Variants in SAFB observed in about 807,000 individuals in gnomAD.
SAFB encodes the protein scaffold attachment factor B1.
SAFB carries 15 observed loss-of-function variants against 101.6 expected under a neutral mutation model. The observed-to-expected ratio is 0.15, with a 90% CI of 0.10 to 0.23. The LOEUF (loss-of-function observed/expected upper bound fraction) is 0.23. Among genes scored for constraint, SAFB ranks in the 10% least tolerant of loss-of-function variants. The pLI is 1.00. For missense variants in SAFB, 930 were observed against 1,104.1 expected (o/e 0.84, Z 2.23); for synonymous variants, 449 against 407.5 (o/e 1.10, Z -1.23).
intron 7 of SAFB, 95 bp from the exon 8 acceptor site, chr19:5,649,831 C>A: frequency 9.2e-7 from 1 of 1,092,698 alleles, no homozygotes; most frequent in Non-Finnish European, 1.4e-6. Context: ...AACTAAATTT[C>A]GGGTAGGTAT....
intron 13 of SAFB, among the ~76,000 whole-genome samples, 179 bp from the exon 14 acceptor site, chr19:5,657,062 C>T (rs1039406250): frequency 2.0e-5 from 3 of 152,056 alleles, no homozygotes; most frequent in African/African-American, 4.8e-5. Flanking sequence ...TGAGCCACTG[C>T]GCCCGGCAAT....
At chr19:5,665,425 C>G (rs1293704207) in intron 17 of SAFB, 1 of 152,110 alleles carries the variant, frequency 6.6e-6, no homozygotes, top group East Asian at 1.9e-4. Context: ...TAATATTCCT[C>G]CTACAAAGGG....
intron 2 of SAFB, among the ~76,000 whole-genome samples, chr19:5,639,927 C>T (rs1247413948): frequency 1.3e-5 from 2 of 151,650 alleles, no homozygotes. Flanking sequence ...AACCTCCACC[C>T]CCTGGGTTCA....
At chr19:5,655,785 AAAAGG>A (rs1484681638) in intron 13 of SAFB, among the ~76,000 whole-genome samples, 2 of 152,220 alleles carry the variant, frequency 1.3e-5, no homozygotes, top group Admixed American at 1.3e-4. Flanking sequence ...GGAAAACGGA[AAAAGG>A]AAAGTGTGGG....
chr19:5,642,379 A>G (rs1040878884), intron 4 of SAFB, among the ~76,000 whole-genome samples: 1 of 152,156 alleles, frequency 6.6e-6, no homozygotes, highest in Non-Finnish European at 1.5e-5. Context: ...CCAGGAGTTC[A>G]AGGCTGTACT....
chr19:5,653,980 A>G lies in SAFB; in HGVS notation c.1527-81A>G, dbSNP rs2053997728. ...GGTCTCGAACTCCCGGTCTCATGTG[A>G]TCCGCCCGCCTCATCCCCCCAAAGT... On this transcript the variant is annotated intron_variant, in intron 11 of 20. Coordinates refer to ENST00000588852, the MANE Select transcript of SAFB (RefSeq NM_001201338.2). The G allele has an allele frequency of 4.4e-6, 6 of 1,375,742 alleles. No individual in the cohort carries two copies. The African/African-American group carries it at 7.2e-5, about 16-fold the overall frequency. The allele number at this position is 1,375,742 out of a possible 1,614,324, so 85.2% of individuals were successfully genotyped here.
In SAFB at chr19:5,653,030, C is replaced by T. The variant is rs75617053; in HGVS notation, c.1294-85C>T. ...TAACACTTGTCGGACCCCTGATGAG[C>T]AGACTTCCCTGTGGGGTGTTCATAT... On this transcript the variant is annotated intron_variant, in intron 9 of 20. Transcript: ENST00000588852. The T allele has an allele frequency of 3.4e-3, 4,681 of 1,396,274 alleles. 120 individuals are homozygous for T. In the African/African-American group the frequency reaches 0.055, roughly 16 times the overall value. The allele number at this position is 1,396,274 out of a possible 1,614,324, so 86.5% of individuals were successfully genotyped here.
rs1353075810 is a variant in SAFB at position 5,661,828 on chromosome 19, C to T, written c.2153+20C>T. 2 of 1,496,126 alleles carry T rather than the reference C, an allele frequency of 1.3e-6. No individual in the cohort carries two copies. Among genetic ancestry groups the T allele is most frequent in the African/African-American group, 1.4e-5 (1 of 72,110 alleles). 92.7% of individuals were successfully genotyped at this position (1,496,126 alleles called of 1,614,324 possible). A position where few individuals can be genotyped will look rare whatever the true frequency, so the allele number is the denominator to read the frequency against. ...GGACCGGTAAGCAGATCCATGCTGC[C>T]CTTAGCACGTGGCGTTCAGAATCGT... is the stretch of plus-strand genomic sequence containing the variant. On this transcript the variant is annotated intron_variant, in intron 15 of 20. Transcript: ENST00000588852.
At chr19:5,628,174 C>G (rs1036195652) in intron 2 of SAFB, among the ~76,000 whole-genome samples, 2 of 152,066 alleles carry the variant, frequency 1.3e-5, no homozygotes, top group African/African-American at 4.8e-5. Context: ...TTGCCTGAAC[C>G]CAGGAGGTGG....
chr19:5,635,807 A>C (rs936730037), intron 2 of SAFB, among the ~76,000 whole-genome samples: 5 of 152,128 alleles, frequency 3.3e-5, no homozygotes, highest in African/African-American at 1.2e-4. Context: ...AGCTGAGACC[A>C]CAAACTAGGG....
rs762779310 is a variant in SAFB, at chr19:5,641,901, C to T, written c.501C>T (p.Val167=). 11 of 1,613,912 alleles carry T rather than the reference C, an allele frequency of 6.8e-6. No individual in the cohort carries two copies. The highest frequency in any genetic ancestry group is 4.4e-5 in the South Asian group (4 of 91,040). ...CCCTGTCGGATAGTAGAGAGCTAGT[C>T]GAGGGGGAAATGAAAGAGCTTCCGG... The part of the protein sequence containing the change: ...QESLSDSREL[V]EGEMKELPEQ... The change falls in exon 4 of 21, where the codon GTC becomes GTT. Residue 167 remains valine, a synonymous_variant. Coordinates refer to ENST00000588852, the MANE Select transcript of SAFB (RefSeq NM_001201338.2).
chr19:5,664,184 G>A, intron 16 of SAFB, 25 bp downstream of exon 16: 5 of 1,609,506 alleles, frequency 3.1e-6, no homozygotes, highest in South Asian at 1.1e-5. Context: ...TGCTGGGCGT[G>A]CGGGTTTTCT....
At position 5,661,795 on chromosome 19, in the gene SAFB, T is replaced by G; in HGVS notation, c.2140T>G (p.Tyr714Asp). 3 of 1,549,362 alleles carry G rather than the reference T, an allele frequency of 1.9e-6. No individual in the cohort carries two copies. Among genetic ancestry groups the G allele is most frequent in the Non-Finnish European group, 2.6e-6 (3 of 1,148,904 alleles). Residue 714 changes from tyrosine (Y) to aspartate (D), a missense_variant, in exon 15 of 21, where the codon TAC becomes GAC. Around this residue, in one of 7 missense-constraint regions of SAFB, gnomAD observed 318 missense variants for 342.6 expected, o/e 0.93. Transcript: ENST00000588852. ...GCGGCGGCCCGCGGTGCGGCGGCCCTACGACCTGGACCGGTAAGCAGATCC... is the reference window on the plus strand; with the variant it reads ...GCGGCGGCCCGCGGTGCGGCGGCCCGACGACCTGGACCGGTAAGCAGATCC... ...QERRPAVRRP[Y>D]DLDRRDDAYW...
At position 5,638,353 on chromosome 19, in the gene SAFB, C is replaced by G. The variant is rs115552736; in HGVS notation, c.275-3241C>G. The stretch of plus-strand genomic sequence containing the variant: ...ATTTATTTTGAGATGGAGTCTGTCT[C>G]TGTCACCCACACCAGAGTGCAGTGG... On this transcript the variant is annotated intron_variant, in intron 2 of 20. Coordinates refer to ENST00000588852, the MANE Select transcript of SAFB (RefSeq NM_001201338.2). 9.4e-3 allele frequency among the ~76,000 whole-genome samples: 1,436 copies of G among 152,240 alleles called. 21 individuals are homozygous for G. Among genetic ancestry groups the G allele is most frequent in the African/African-American group, 0.033 (1,352 of 41,530 alleles).
At chr19:5,629,621 G>A (rs946383958) in intron 2 of SAFB, among the ~76,000 whole-genome samples, 2 of 151,934 alleles carry the variant, frequency 1.3e-5, no homozygotes, top group African/African-American at 2.4e-5. Flanking sequence ...ATTATCACTC[G>A]GTACTTCCAA....
rs565493861 is a variant in SAFB at position 5,627,400 on chromosome 19, C to G, written c.274+911C>G. Among the ~76,000 whole-genome samples, 3 of 152,186 alleles carry G rather than the reference C, an allele frequency of 2.0e-5. No individual in the cohort carries two copies. In the East Asian group the frequency reaches 5.8e-4, roughly 29 times the overall value. ...GGAGGATCATTTGAACCCAGGAGTTCAGGGTTGCACTGAGCTATCATGGCA... is the reference window on the plus strand; with the variant it reads ...GGAGGATCATTTGAACCCAGGAGTTGAGGGTTGCACTGAGCTATCATGGCA... On this transcript the variant is annotated intron_variant, in intron 2 of 20. Transcript: ENST00000588852.
At chr19:5,656,645 C>T (rs950670757) in intron 13 of SAFB, among the ~76,000 whole-genome samples, 1 of 149,650 alleles carries the variant, frequency 6.7e-6, no homozygotes, top group Non-Finnish European at 1.5e-5. Context: ...GGCGCGTCCT[C>T]GGTTCACTGC....
At chr19:5,644,033 GTTGTTTTTGTTTTGTT>G (rs763117489) in intron 4 of SAFB, among the ~76,000 whole-genome samples, 11 of 151,930 alleles carry the variant, frequency 7.2e-5, no homozygotes, top group Non-Finnish European at 1.2e-4. Context: ...TGTCACCTGG[GTTGTTTTTGTTTTGTT>G]TTGTTTTTGT....
At chr19:5,659,471 C>G (rs1324581056) in intron 14 of SAFB, among the ~76,000 whole-genome samples, 1 of 151,700 alleles carries the variant, frequency 6.6e-6, no homozygotes, top group Non-Finnish European at 1.5e-5. Flanking sequence ...AAGCTCCGTC[C>G]CCTGGGTTCA....
Sources: allele counts gnomAD v4.1 joint callset (sites outside exome capture counted in the v4.1 genomes callset), GRCh38; gene constraint gnomAD v4.1.1; regional missense constraint gnomAD v4.1.1; transcripts MANE v1.5; gene names NCBI Gene and HGNC (gene_info 2026-07-23, HGNC 2026-07-21).